MYOM3: variants seen among roughly 807,000 people sequenced by gnomAD.
MYOM3 encodes myomesin 3.
MYOM3 carries 155 observed loss-of-function variants against 191.7 expected under a neutral mutation model. The ratio of observed to expected loss-of-function variants is 0.81; its 90% CI spans 0.71 to 0.92. The LOEUF (loss-of-function observed/expected upper bound fraction) is 0.92. Among genes scored for constraint, MYOM3 ranks in the 40% least tolerant of loss-of-function variants. The probability of loss-of-function intolerance (pLI) is 0.00; values close to 1 mark genes in which losing one functional copy is unlikely to be tolerated. For synonymous variants in MYOM3, 757 were observed against 762.9 expected (o/e 0.99, Z 0.13); for missense variants, 1,889 against 1,890.6 (o/e 1.00, Z 0.02).
In MYOM3 at chr1:24,111,844, C is replaced by T. The variant is rs1644040479; in HGVS notation, c.-19+187G>A. Among the ~76,000 whole-genome samples, 1 of 152,118 alleles carries T rather than the reference C, an allele frequency of 6.6e-6. No individual in the cohort carries two copies. Among genetic ancestry groups the T allele is most frequent in the Non-Finnish European group, 1.5e-5 (1 of 68,012 alleles). ...ATGGGGCAGGGGTTTCTGGAATCCC[C>T]TCCCATTTTCACTTGGGTGCTGCCT... is the stretch of plus-strand genomic sequence containing the variant. On this transcript the variant is annotated intron_variant, in intron 1 of 36. Transcript: ENST00000374434. The surrounding 1 kb of genome is among the most constrained non-coding windows in gnomAD (Gnocchi z 4.7).
In MYOM3 at chr1:24,068,281, G is replaced by C. The variant is rs749036369; in HGVS notation, c.3237C>G (p.Thr1079=). The change falls in exon 26 of 37, where the codon ACC becomes ACG. Residue 1079 remains threonine (T), a synonymous_variant. Coordinates refer to ENST00000374434, the MANE Select transcript of MYOM3 (RefSeq NM_152372.4). The part of the protein sequence containing the change: ...NLSEEDKGSY[T]AQLQDGKAKN... ...TGGCTTTTCCATCTTGGAGTTGAGCGGTGTACGACCCTTTGTCCTCCTCAG... is the reference window on the plus strand; with the variant it reads ...TGGCTTTTCCATCTTGGAGTTGAGCCGTGTACGACCCTTTGTCCTCCTCAG... 6.2e-7 allele frequency: 1 copy of C among 1,613,996 alleles called. No homozygotes were observed. Among genetic ancestry groups the C allele is most frequent in the Non-Finnish European group, 8.5e-7 (1 of 1,180,002 alleles).
chr1:24,103,997 C>T (rs1389800536), intron 5 of MYOM3, among the ~76,000 whole-genome samples: 1 of 152,218 alleles, frequency 6.6e-6, no homozygotes, highest in East Asian at 1.9e-4. Flanking sequence ...ACCCTCTAGG[C>T]CAGCTGAAAG....
chr1:24,060,667 G>A (rs1557599492), intron 35 of MYOM3, among the ~76,000 whole-genome samples: 1 of 152,212 alleles, frequency 6.6e-6, no homozygotes, highest in South Asian at 2.1e-4. Flanking sequence ...CGTGCCATGT[G>A]CCTCTGGGTT....
At chr1:24,101,454 T>C (rs1460737833) in intron 5 of MYOM3, among the ~76,000 whole-genome samples, 8 of 152,112 alleles carry the variant, frequency 5.3e-5, no homozygotes, top group Admixed American at 5.2e-4. Context: ...ATTTTGAAAA[T>C]CCCCTGGTGA....
chr1:24,076,600 A>G (rs1194136080), intron 20 of MYOM3, among the ~76,000 whole-genome samples: 4 of 57,334 alleles, frequency 7.0e-5, no homozygotes, highest in Admixed American at 2.6e-4. Flanking sequence ...TGCAAGCTCC[A>G]CCTCCCGGGT....
Position 24,074,184 on chromosome 1 carries a change from C to A in MYOM3, c.2944G>T (p.Ala982Ser). The A allele has an allele frequency of 1.2e-6, 2 of 1,613,260 alleles. No individual in the cohort carries two copies. The highest frequency in any genetic ancestry group is 2.2e-5 in the South Asian group (2 of 90,996). ...CCTTCCTCGGTTAGCGTGTGGCTTG[C>A]GGAGATGTCTTCATCGGCATCAGTG... is the stretch of plus-strand genomic sequence containing the variant. ...IVTDADEDIS[A>S]SHTLTEEELE... Residue 982 changes from alanine (A) to serine (S), a missense_variant, in exon 23 of 37, where the codon GCA becomes TCA. Ala to Ser is a moderately conservative substitution (Grantham distance 99). Coordinates refer to ENST00000374434, the MANE Select transcript of MYOM3 (RefSeq NM_152372.4).
intron 7 of MYOM3, among the ~76,000 whole-genome samples, chr1:24,096,359 G>C (rs1643878328): frequency 1.3e-5 from 2 of 152,222 alleles, no homozygotes; most frequent in African/African-American, 4.8e-5. Flanking sequence ...GTTGGCTGGA[G>C]TCTGGGGCCA....
chr1:24,092,849 A>G lies in MYOM3; in HGVS notation c.1090+98T>C, dbSNP rs571025113. On this transcript the variant is annotated intron_variant, in intron 10 of 36. Transcript: ENST00000374434. ...TTATGGTAGAGAAATTGAGGCCCCA[A>G]GAGAGCAGGGTCCTTGCCTAAGGTT... is the stretch of plus-strand genomic sequence containing the variant. 4.7e-4 allele frequency: 575 copies of G among 1,235,910 alleles called. 1 individual carries two copies. In the African/African-American group the frequency reaches 7.0e-3, roughly 15 times the overall value. 76.6% of individuals were successfully genotyped at this position (1,235,910 alleles called of 1,614,324 possible).
Position 24,092,259 on chromosome 1 carries a change from C to A in MYOM3, c.1147G>T (p.Asp383Tyr). Reference protein sequence around the residue: ...PGSPLNVRCLDVNRDCLILTW... With the variant: ...PGSPLNVRCLYVNRDCLILTW... ...AGGATGAGGCAGTCTCTGTTCACAT[C>A]CAGGCATCGGACGTTCAGTGGGGAG... is the stretch of plus-strand genomic sequence containing the variant. The change falls in exon 11 of 37, where the codon GAT becomes TAT. Residue 383 changes from aspartate to tyrosine, a missense_variant. Coordinates refer to ENST00000374434, the MANE Select transcript of MYOM3 (RefSeq NM_152372.4). The A allele has an allele frequency of 7.1e-7, 1 of 1,406,172 alleles. No homozygotes were observed. Among genetic ancestry groups the A allele is most frequent in the Non-Finnish European group, 9.3e-7 (1 of 1,070,708 alleles). The allele number at this position is 1,406,172 out of a possible 1,614,324, so 87.1% of individuals were successfully genotyped here.
At chr1:24,081,898 T>G in intron 18 of MYOM3, 103 bp downstream of exon 18, 11 of 1,172,628 alleles carry the variant, frequency 9.4e-6, no homozygotes, top group Non-Finnish European at 1.3e-5. Context: ...CAGGGGAACT[T>G]GAGACTTCTG....
At chr1:24,095,359 A>G in intron 8 of MYOM3, 83 bp downstream of exon 8, 3 of 1,319,122 alleles carry the variant, frequency 2.3e-6, no homozygotes, top group Non-Finnish European at 2.1e-6. Context: ...GGGGATGGCT[A>G]TATTCTAAAC....
intron 9 of MYOM3, among the ~76,000 whole-genome samples, 196 bp from the exon 10 acceptor site, chr1:24,093,304 G>A (rs1450152190): frequency 1.3e-5 from 2 of 152,198 alleles, no homozygotes; most frequent in East Asian, 3.9e-4. Flanking sequence ...CTTTGCAGAG[G>A]GCTTGGGGAG....
At chr1:24,075,533 A>G in intron 21 of MYOM3, 58 bp from the exon 22 acceptor site, 1 of 1,484,788 alleles carries the variant, frequency 6.7e-7, no homozygotes, top group South Asian at 1.4e-5. Context: ...ACCAGGTCAC[A>G]CCCCTCCCCT....
At chr1:24,093,828 T>C (rs888523075) in intron 9 of MYOM3, among the ~76,000 whole-genome samples, 5 of 152,258 alleles carry the variant, frequency 3.3e-5, no homozygotes, top group African/African-American at 9.6e-5. Flanking sequence ...TCCCAGCAGG[T>C]GCAGCCTCCC....
chr1:24,106,252 AG>A lies in MYOM3; in HGVS notation c.403-176del, dbSNP rs1643982646. On this transcript the variant is annotated intron_variant, in intron 4 of 36. Transcript: ENST00000374434. ...ACTGTGGGCAGAGCATGGGCTTTGG[AG>A]CCAGCTGGCCTGGGGTCAAGGTATT... 4.6e-5 allele frequency among the ~76,000 whole-genome samples: 7 copies of A among 152,312 alleles called. No individual in the cohort carries two copies. The South Asian group carries it at 1.2e-3, about 27-fold the overall frequency.
chr1:24,086,845 C>T lies in MYOM3; in HGVS notation c.1615-18G>A, dbSNP rs1031646268. The T allele has an allele frequency of 4.3e-6, 7 of 1,611,562 alleles. No homozygotes were observed. Among genetic ancestry groups the T allele is most frequent in the Non-Finnish European group, 5.1e-6 (6 of 1,178,536 alleles). Reference sequence around the variant, plus strand: ...ATGACTGACTGAAGAAACAGAGGGACTCACATTGGCTAACTGGTCGCCCAG... The same window carrying T: ...ATGACTGACTGAAGAAACAGAGGGATTCACATTGGCTAACTGGTCGCCCAG... On this transcript the variant is annotated intron_variant, in intron 14 of 36. Transcript: ENST00000374434.
chr1:24,078,715 G>A (rs1643632302), intron 20 of MYOM3, among the ~76,000 whole-genome samples: 1 of 152,190 alleles, frequency 6.6e-6, no homozygotes, highest in East Asian at 1.9e-4. Flanking sequence ...CTCAAATAAA[G>A]GAGGCCCTGA....
rs1025778627 is a variant in MYOM3 at position 24,061,768 on chromosome 1, A to AATGTTGCCCAGGCTGGTCTCACT, written c.3934+155_3934+177dup. 5.9e-5 allele frequency among the ~76,000 whole-genome samples: 9 copies of AATGTTGCCCAGGCTGGTCTCACT among 151,926 alleles called. 1 individual carries two copies. The highest frequency in any genetic ancestry group is 2.2e-4 in the African/African-American group (9 of 41,444). On this transcript the variant is annotated intron_variant, in intron 33 of 36. Coordinates refer to ENST00000374434, the MANE Select transcript of MYOM3 (RefSeq NM_152372.4). The stretch of plus-strand genomic sequence containing the variant: ...CTAAATTATTTTTAGTTTTTGTAGG[A>AATGTTGCCCAGGCTGGTCTCACT]ATGTTGCCCAGGCTGGTCTCACTAT...
chr1:24,066,638 G>C (rs572751347), intron 28 of MYOM3: 16 of 352,302 alleles, frequency 4.5e-5, no homozygotes, highest in African/African-American at 3.3e-4. Context: ...AGTAATGCCT[G>C]TGTCACAGAT....
Sources: gnomAD v4.1 joint callset for allele counts (sites outside exome capture counted in the v4.1 genomes callset) on GRCh38, gnomAD v4.1.1 for gene constraint, Gnocchi (gnomAD v3.1) non-coding constraint, MANE v1.5 for transcripts, NCBI Gene and HGNC (gene_info 2026-07-23, HGNC 2026-07-21) for gene names.